DNM3: variants seen among roughly 807,000 people sequenced by gnomAD.
DNM3 encodes the protein dynamin-3.
A neutral mutation model predicts 101.6 loss-of-function variants in DNM3; 47 were observed. That is an observed-to-expected ratio of 0.46 (90% CI 0.37 to 0.59). The LOEUF (loss-of-function observed/expected upper bound fraction) is 0.59, where lower values mean the gene tolerates loss of function less well. Ranked by LOEUF, DNM3 falls within the 20% of genes least tolerant of loss-of-function variation. The pLI is 0.00. For missense variants in DNM3, 849 were observed against 1,085.7 expected, an observed-to-expected ratio of 0.78 and a Z score of 3.06; for synonymous variants, 385 against 387.9, an observed-to-expected ratio of 0.99 and a Z score of 0.09.
Position 171,947,871 on chromosome 1 carries a change from A to G in DNM3, c.235+26050A>G, listed in dbSNP as rs539035023. 6.4e-4 allele frequency among the ~76,000 whole-genome samples: 98 copies of G among 152,354 alleles called. 1 individual carries two copies. The Middle Eastern group carries it at 0.01, about 16-fold the overall frequency. ...ATCGCAAAGGTCTTTGAATTTTAGC[A>G]GAGAAAATGAGAGGCCGTATATGTT... is the stretch of plus-strand genomic sequence containing the variant. On this transcript the variant is annotated intron_variant, in intron 2 of 20. Coordinates refer to ENST00000627582, the MANE Select transcript of DNM3 (RefSeq NM_015569.5).
At chr1:172,140,294 G>C (rs918529004) in intron 14 of DNM3, 1 of 151,590 alleles carries the variant, frequency 6.6e-6, no homozygotes, top group African/African-American at 2.4e-5. Context: ...ATTCTGTTTC[G>C]GCCATCACTT....
At chr1:172,355,911 C>T (rs561787516) in intron 17 of DNM3, among the ~76,000 whole-genome samples, 1 of 152,130 alleles carries the variant, frequency 6.6e-6, no homozygotes, top group South Asian at 2.1e-4. Flanking sequence ...TCCAGACATA[C>T]ATTATAATGA....
intron 14 of DNM3, among the ~76,000 whole-genome samples, chr1:172,161,023 G>A (rs2058527052): frequency 6.6e-6 from 1 of 151,766 alleles, no homozygotes. Flanking sequence ...CTTATTAATA[G>A]GCTGAAACAC....
chr1:171,901,307 A>G (rs963475190), intron 1 of DNM3, among the ~76,000 whole-genome samples: 3 of 152,100 alleles, frequency 2.0e-5, no homozygotes, highest in Admixed American at 1.3e-4. Context: ...TATAATCCCG[A>G]AAGAAGACAG....
intron 15 of DNM3, among the ~76,000 whole-genome samples, chr1:172,303,275 G>C (rs1573374422): frequency 6.6e-6 from 1 of 152,024 alleles, no homozygotes; most frequent in East Asian, 1.9e-4. Flanking sequence ...TGGAAGAAAG[G>C]GTATCAGTGA....
At chr1:171,843,561 T>G (rs575684825) in intron 1 of DNM3, among the ~76,000 whole-genome samples, 1 of 152,350 alleles carries the variant, frequency 6.6e-6, no homozygotes, top group East Asian at 1.9e-4. Flanking sequence ...GTATTTCAAA[T>G]GAAATTACCA....
At chr1:172,239,441 C>T (rs182377486) in intron 14 of DNM3, among the ~76,000 whole-genome samples, 28 of 152,260 alleles carry the variant, frequency 1.8e-4, no homozygotes, top group Admixed American at 1.8e-3. Context: ...CTCAAATCTC[C>T]ATACCCTCTC....
chr1:172,183,767 ATTTTTTTTTTTTTTTTTT>A (rs376245976), intron 14 of DNM3, among the ~76,000 whole-genome samples: 2 of 62,650 alleles, frequency 3.2e-5, no homozygotes, highest in Non-Finnish European at 3.0e-5. Context: ...TGCCCAGCTA[ATTTTTTTTTTTTTTTTTT>A]TTTTTTTTTT....
intron 17 of DNM3, among the ~76,000 whole-genome samples, chr1:172,369,135 G>C (rs534609569): frequency 6.6e-6 from 1 of 151,788 alleles, no homozygotes; most frequent in South Asian, 2.1e-4. Context: ...CATGAGGCCA[G>C]CATTACAAAG....
chr1:172,172,021 C>G (rs1322781910), intron 14 of DNM3, among the ~76,000 whole-genome samples: 3 of 151,446 alleles, frequency 2.0e-5, no homozygotes, highest in Non-Finnish European at 4.4e-5. Context: ...GTGCTTGCTG[C>G]TTATTGAATT....
chr1:172,179,195 T>C (rs914893203), intron 14 of DNM3, among the ~76,000 whole-genome samples: 1 of 152,010 alleles, frequency 6.6e-6, no homozygotes, highest in African/African-American at 2.4e-5. Context: ...GGTGACTGAT[T>C]GTCATTTGTG....
intron 14 of DNM3, among the ~76,000 whole-genome samples, chr1:172,241,441 T>C (rs1248118145): frequency 6.6e-6 from 1 of 152,078 alleles, no homozygotes. Context: ...GGCTATTCAT[T>C]TTTGCTAAGC....
chr1:172,131,352 T>A, intron 14 of DNM3, 64 bp downstream of exon 14: 1 of 1,393,048 alleles, frequency 7.2e-7, no homozygotes, highest in Non-Finnish European at 1.0e-6. Flanking sequence ...TTAACTGATA[T>A]TATTATACTA....
chr1:172,169,541 A>G (rs1190447486), intron 14 of DNM3, among the ~76,000 whole-genome samples: 3 of 151,988 alleles, frequency 2.0e-5, no homozygotes, highest in African/African-American at 7.2e-5. Context: ...CACTAATGCC[A>G]CTGAGCCTTG....
intron 8 of DNM3, among the ~76,000 whole-genome samples, chr1:172,042,493 T>G (rs1437852003): frequency 6.6e-6 from 1 of 152,064 alleles, no homozygotes; most frequent in Non-Finnish European, 1.5e-5. Context: ...AGACAGAAAA[T>G]TAACAAATAG....
chr1:172,257,802 T>A (rs1202304672), intron 15 of DNM3, among the ~76,000 whole-genome samples: 1 of 151,766 alleles, frequency 6.6e-6, no homozygotes, highest in Non-Finnish European at 1.5e-5. Flanking sequence ...AACATTAGAA[T>A]TTATTCCTTC....
intron 20 of DNM3, among the ~76,000 whole-genome samples, chr1:172,404,402 G>A (rs1023117609): frequency 3.3e-5 from 5 of 152,058 alleles, no homozygotes; most frequent in Non-Finnish European, 7.4e-5. Flanking sequence ...ATGGGATATG[G>A]TAGTGAATAA....
intron 4 of DNM3, among the ~76,000 whole-genome samples, chr1:172,012,795 C>T (rs749569200): frequency 6.6e-6 from 1 of 151,902 alleles, no homozygotes; most frequent in Non-Finnish European, 1.5e-5. Flanking sequence ...TTTTACCTAG[C>T]ATCATATACA....
At chr1:172,272,299 T>C (rs942119733) in intron 15 of DNM3, among the ~76,000 whole-genome samples, 6 of 152,144 alleles carry the variant, frequency 3.9e-5, no homozygotes, top group African/African-American at 1.4e-4. Context: ...TGAATCTAAA[T>C]TAAAATTTAA....
Sources: allele counts gnomAD v4.1 joint callset (sites outside exome capture counted in the v4.1 genomes callset), GRCh38; gene constraint gnomAD v4.1.1; transcripts MANE v1.5; gene names NCBI Gene and HGNC (gene_info 2026-07-23, HGNC 2026-07-21).